The following DCDC2 variants were observed in gnomAD, a reference collection of about 807,000 sequenced individuals.
DCDC2 encodes the protein doublecortin domain containing 2.
DCDC2 carries 40 observed loss-of-function variants against 50.2 expected under a neutral mutation model. The observed-to-expected ratio is 0.80, with a 90% CI of 0.62 to 1.04. DCDC2 has a LOEUF of 1.04. DCDC2 is among the 50% of genes least tolerant of loss of function. The probability of loss-of-function intolerance (pLI) is 0.00; values close to 1 mark genes in which losing one functional copy is unlikely to be tolerated. For synonymous variants in DCDC2, 234 were observed against 210.6 expected, an observed-to-expected ratio of 1.11 and a Z score of -0.96; for missense variants, 570 against 581.9, an observed-to-expected ratio of 0.98 and a Z score of 0.21.
chr6:24,195,072 C>T (rs1289504091), intron 8 of DCDC2, among the ~76,000 whole-genome samples: 1 of 152,104 alleles, frequency 6.6e-6, no homozygotes, highest in Non-Finnish European at 1.5e-5. Flanking sequence ...TGTGCACACA[C>T]AAACATGCAT....
chr6:24,281,603 TATA>T lies in DCDC2; in HGVS notation c.760-3395_760-3393del, dbSNP rs148896739. Among the ~76,000 whole-genome samples, 176 of 151,694 alleles carry T rather than the reference TATA, an allele frequency of 1.2e-3. 1 individual carries two copies. The highest frequency in any genetic ancestry group is 4.2e-3 in the African/African-American group (174 of 41,392). Reference sequence around the variant, plus strand: ...ACTATATATATAAATTATATACACATATAATTCATATATTTGTTTTACACAATT... The same window carrying T: ...ACTATATATATAAATTATATACACATATTCATATATTTGTTTTACACAATT... On this transcript the variant is annotated intron_variant, in intron 6 of 9. Coordinates refer to ENST00000378454, the MANE Select transcript of DCDC2 (RefSeq NM_016356.5).
At chr6:24,381,959 A>AGAAG in the DCDC2 span, among the ~76,000 whole-genome samples, 8,777 of 103,376 alleles carry the variant, frequency 0.085, 409 homozygotes, top group Middle Eastern at 0.096. Context: ...AAGGAAAGAA[A>AGAAG]GAAGGAAGGA....
At chr6:24,220,678 C>G (rs1453760721) in intron 7 of DCDC2, among the ~76,000 whole-genome samples, 1 of 152,212 alleles carries the variant, frequency 6.6e-6, no homozygotes. Flanking sequence ...AACCACTTCA[C>G]TACTACATTA....
chr6:24,333,976 T>C (rs1760012229), intron 2 of DCDC2, among the ~76,000 whole-genome samples: 1 of 151,908 alleles, frequency 6.6e-6, no homozygotes, highest in Non-Finnish European at 1.5e-5. Context: ...TAGTGGGAAG[T>C]GAAGAGAGGA....
intron 2 of DCDC2, among the ~76,000 whole-genome samples, chr6:24,341,052 C>T (rs928059931): frequency 1.3e-5 from 2 of 152,136 alleles, no homozygotes; most frequent in African/African-American, 2.4e-5. Context: ...TAAAAGTTGG[C>T]AGCCCAGTTA....
rs142782126 is a variant in DCDC2, at chr6:24,346,362, G to C, written c.348+7207C>G. Among the ~76,000 whole-genome samples the C allele has an allele frequency of 7.6e-4, 115 of 152,262 alleles. 1 individual carries two copies. The highest frequency in any genetic ancestry group is 9.6e-4 in the Non-Finnish European group (65 of 68,022). The stretch of plus-strand genomic sequence containing the variant: ...AGCCTGAATTGGCATATAAGGCCAA[G>C]GTATTTTTAAGAGTGGGGAAGTACA... On this transcript the variant is annotated intron_variant, in intron 2 of 9. Transcript: ENST00000378454.
intron 7 of DCDC2, among the ~76,000 whole-genome samples, chr6:24,228,629 C>T (rs1442319235): frequency 2.0e-5 from 3 of 152,202 alleles, no homozygotes; most frequent in East Asian, 3.8e-4. Context: ...TATTTATAAG[C>T]ATTTCCAAGT....
chr6:24,347,813 GA>G (rs1473202296), intron 2 of DCDC2, among the ~76,000 whole-genome samples: 7 of 152,082 alleles, frequency 4.6e-5, no homozygotes, highest in African/African-American at 1.7e-4. Flanking sequence ...TTTTACCCCT[GA>G]AACAAAATCT....
intron 7 of DCDC2, among the ~76,000 whole-genome samples, chr6:24,243,283 CAG>C (rs1169962983): frequency 2.0e-4 from 30 of 152,194 alleles, no homozygotes; most frequent in East Asian, 1.9e-4. Context: ...CTGCAGATAA[CAG>C]AGTCTTACTC....
chr6:24,288,462 G>A (rs564130054), intron 6 of DCDC2, among the ~76,000 whole-genome samples: 2 of 152,290 alleles, frequency 1.3e-5, no homozygotes, highest in African/African-American at 4.8e-5. Flanking sequence ...TCTTTTCAAG[G>A]AATATTAATG....
At chr6:24,304,858 T>C (rs998172012) in intron 2 of DCDC2, among the ~76,000 whole-genome samples, 1 of 152,082 alleles carries the variant, frequency 6.6e-6, no homozygotes, top group African/African-American at 2.4e-5. Flanking sequence ...CAGGCTAGAG[T>C]ACAGTGGTGC....
At chr6:24,338,945 C>T (rs904051222) in intron 2 of DCDC2, among the ~76,000 whole-genome samples, 10 of 152,120 alleles carry the variant, frequency 6.6e-5, no homozygotes, top group Non-Finnish European at 1.2e-4. Flanking sequence ...TGCCCAGCAG[C>T]TTTTGGTTGG....
chr6:24,358,900 A>ATATATTATATATTATATATATTATATAT (rs1760555205), upstream of DCDC2, among the ~76,000 whole-genome samples: 1 of 13,414 alleles, frequency 7.5e-5, no homozygotes, highest in Non-Finnish European at 1.1e-4. Flanking sequence ...TATATATATA[A>ATATATTATATATTATATATATTATATAT]TATATTATAT....
the DCDC2 span, among the ~76,000 whole-genome samples, chr6:24,380,040 G>C: frequency 2.6e-5 from 4 of 151,642 alleles, no homozygotes; most frequent in Admixed American, 6.6e-5. Context: ...GGGCCTGTTG[G>C]GGGGTGGGGG....
chr6:24,278,358 T>A, intron 6 of DCDC2, 147 bp from the exon 7 acceptor site: 2 of 623,688 alleles, frequency 3.2e-6, no homozygotes, highest in South Asian at 3.5e-5. Context: ...CTTTATACAT[T>A]AACTCCAAAT....
rs540008299 is a variant in DCDC2, at chr6:24,326,217, G to T, written c.349-24173C>A. ...AGAAAGGAAGGAAGGAAAGAATGAA[G>T]GAAGGAAGGAAGGAAGGGAGGGAGG... On this transcript the variant is annotated intron_variant, in intron 2 of 9. Coordinates refer to ENST00000378454, the MANE Select transcript of DCDC2 (RefSeq NM_016356.5). 7.4e-5 allele frequency among the ~76,000 whole-genome samples: 10 copies of T among 136,050 alleles called. 1 individual carries two copies. In the South Asian group the frequency reaches 2.4e-3, roughly 32 times the overall value. 89.3% of individuals were successfully genotyped at this position (136,050 alleles called of 152,430 possible).
chr6:24,182,629 G>GAAAGAAA (rs1761098837), intron 8 of DCDC2, among the ~76,000 whole-genome samples: 1 of 105,942 alleles, frequency 9.4e-6, no homozygotes, highest in Non-Finnish European at 1.8e-5. Flanking sequence ...ATGATGACAA[G>GAAAGAAA]AAAAAAAAAA....
At position 24,248,986 on chromosome 6, in the gene DCDC2, A is replaced by G. The variant is rs372140689; in HGVS notation, c.922+29063T>C. Reference sequence around the variant, plus strand: ...TGAGCAGCTTTAGTTTCTTTTTTGCATTTAATAATTTTAGGTATTTGTTTT... The same window carrying G: ...TGAGCAGCTTTAGTTTCTTTTTTGCGTTTAATAATTTTAGGTATTTGTTTT... On this transcript the variant is annotated intron_variant, in intron 7 of 9. Coordinates refer to ENST00000378454, the MANE Select transcript of DCDC2 (RefSeq NM_016356.5). Among the ~76,000 whole-genome samples the G allele has an allele frequency of 3.0e-4, 46 of 152,304 alleles. 1 individual carries two copies. The South Asian group carries it at 7.3e-3, about 24-fold the overall frequency.
intron 4 of DCDC2, among the ~76,000 whole-genome samples, chr6:24,295,873 A>C (rs929378216): frequency 2.0e-5 from 3 of 152,220 alleles, no homozygotes; most frequent in African/African-American, 7.2e-5. Flanking sequence ...AGGAAGAATT[A>C]GTATCATGAA....
Sources: gnomAD v4.1 joint callset for allele counts (sites outside exome capture counted in the v4.1 genomes callset) on GRCh38, gnomAD v4.1.1 for gene constraint, MANE v1.5 for transcripts, NCBI Gene and HGNC (gene_info 2026-07-23, HGNC 2026-07-21) for gene names.